DAGLA: variants seen among roughly 807,000 people sequenced by gnomAD.
DAGLA encodes diacylglycerol lipase alpha, also known as diacylglycerol lipase-alpha.
In DAGLA, 22 loss-of-function variants were observed where a neutral mutation model predicts 102.6. That is an observed-to-expected ratio of 0.21 (90% CI 0.15 to 0.31). The LOEUF (loss-of-function observed/expected upper bound fraction) is 0.31, where lower values mean the gene tolerates loss of function less well. DAGLA is among the 10% of genes least tolerant of loss of function. The pLI is 1.00. For missense variants in DAGLA, 927 were observed against 1,446.6 expected, an observed-to-expected ratio of 0.64 and a Z score of 5.83; for synonymous variants, 578 against 628.9, an observed-to-expected ratio of 0.92 and a Z score of 1.21.
rs762638349 is a variant in DAGLA at position 61,731,438 on chromosome 11, G to C, written c.971G>C (p.Cys324Ser). Reference protein sequence around the residue: ...ACGLCQLARSCSCCLCPARPR... With the variant: ...ACGLCQLARSSSCCLCPARPR... ...GGCCTCTGCCAACTGGCTCGGTCCT[G>C]CTCGTGAGTACCCCTGTCCCATCCC... The change falls in exon 9 of 20, where the codon TGC becomes TCC. Residue 324 changes from cysteine to serine, a missense_variant. Cys to Ser is a moderately radical substitution (Grantham distance 112). Transcript: ENST00000257215. The C allele has an allele frequency of 6.8e-6, 11 of 1,613,318 alleles. No homozygotes were observed. Among genetic ancestry groups the C allele is most frequent in the Non-Finnish European group, 9.3e-6 (11 of 1,179,982 alleles).
chr11:61,699,879 C>T (rs145594188), intron 1 of DAGLA, among the ~76,000 whole-genome samples: 89 of 152,370 alleles, frequency 5.8e-4, no homozygotes, highest in African/African-American at 2.1e-3. Context: ...GTGCTGCTCA[C>T]ACCTGGCTGA....
chr11:61,741,384 T>A, intron 19 of DAGLA, 35 bp downstream of exon 19: 1 of 1,588,822 alleles, frequency 6.3e-7, no homozygotes. Context: ...CACCCCAGGG[T>A]GAGTGTGGTT....
At chr11:61,731,469 G>T (rs201593701) in intron 9 of DAGLA, 28 bp downstream of exon 9, 1 of 1,610,592 alleles carries the variant, frequency 6.2e-7, no homozygotes, top group Admixed American at 1.7e-5. Flanking sequence ...ATCCCCCAGC[G>T]ATTGCACCTC....
rs1052538014 is a variant in DAGLA at position 61,741,902 on chromosome 11, A to G, written c.2171+553A>G. Among the ~76,000 whole-genome samples the G allele has an allele frequency of 3.9e-5, 6 of 152,280 alleles. No individual in the cohort carries two copies. The East Asian group carries it at 1.2e-3, about 29-fold the overall frequency. On this transcript the variant is annotated intron_variant, in intron 19 of 19. Coordinates refer to ENST00000257215, the MANE Select transcript of DAGLA (RefSeq NM_006133.3). ...GCTGGGATTATAGGGGTGAACCACC[A>G]TGGCCGGCCTGCACAGATTCACTCT... is the stretch of plus-strand genomic sequence containing the variant.
chr11:61,720,918 C>T (rs1393405380), intron 3 of DAGLA, 28 bp downstream of exon 3: 2 of 1,591,660 alleles, frequency 1.3e-6, no homozygotes, highest in Non-Finnish European at 1.7e-6. Context: ...TGGGGTGCTG[C>T]CCCAGACAAC....
At chr11:61,718,021 G>A (rs1591039572) in intron 1 of DAGLA, among the ~76,000 whole-genome samples, 1 of 152,180 alleles carries the variant, frequency 6.6e-6, no homozygotes, top group Non-Finnish European at 1.5e-5. Context: ...GTGTGATCTC[G>A]AGGAGTGTTA....
intron 1 of DAGLA, among the ~76,000 whole-genome samples, chr11:61,699,849 T>C (rs2065095215): frequency 6.6e-6 from 1 of 152,236 alleles, no homozygotes; most frequent in African/African-American, 2.4e-5. Context: ...GTGTTTGCTT[T>C]TCCCAGCCCT....
In DAGLA at chr11:61,744,289, G is replaced by A; in HGVS notation, c.2929G>A (p.Ala977Thr). The change falls in exon 20 of 20, where the codon GCC becomes ACC. Residue 977 changes from alanine to threonine, a missense_variant. Around this residue, in one of 4 missense-constraint regions of DAGLA, gnomAD observed 434 missense variants for 503.3 expected, o/e 0.86. Transcript: ENST00000257215. ...GGTGCCCAAGCCCCCACGGCTCTTTGCCGGCTCAGCCGACCCCTCCTCGGG... is the reference window on the plus strand; with the variant it reads ...GGTGCCCAAGCCCCCACGGCTCTTTACCGGCTCAGCCGACCCCTCCTCGGG... Reference protein sequence around the residue: ...NLVPKPPRLFAGSADPSSGIS... With the variant: ...NLVPKPPRLFTGSADPSSGIS... 1 of 1,612,720 alleles carries A rather than the reference G, an allele frequency of 6.2e-7. No individual in the cohort carries two copies. The highest frequency in any genetic ancestry group is 8.5e-7 in the Non-Finnish European group (1 of 1,179,870).
chr11:61,697,670 T>A (rs921529902), intron 1 of DAGLA, among the ~76,000 whole-genome samples: 5 of 152,138 alleles, frequency 3.3e-5, no homozygotes, highest in African/African-American at 1.2e-4. Context: ...TCTCCTGTTT[T>A]TTTTTATTTT....
chr11:61,736,716 GAGTCCTGCC>G (rs1285129514), intron 13 of DAGLA, among the ~76,000 whole-genome samples: 2 of 152,322 alleles, frequency 1.3e-5, no homozygotes, highest in African/African-American at 4.8e-5. Flanking sequence ...GGGGGGAACT[GAGTCCTGCC>G]CACTGGCCAC....
Position 61,686,130 on chromosome 11 carries a change from C to T in DAGLA, c.-45+5626C>T, listed in dbSNP as rs189729123. The stretch of plus-strand genomic sequence containing the variant: ...GGCTTGAACCAGGGCAGTGGCCACT[C>T]TGCAGGGGAAAGGGGAGAGACAAAG... On this transcript the variant is annotated intron_variant, in intron 1 of 19. Coordinates refer to ENST00000257215, the MANE Select transcript of DAGLA (RefSeq NM_006133.3). The surrounding 1 kb of genome is among the most constrained non-coding windows in gnomAD (Gnocchi z 5.2). Among the ~76,000 whole-genome samples the T allele has an allele frequency of 1.9e-4, 29 of 152,012 alleles. 1 individual carries two copies. In the East Asian group the frequency reaches 5.2e-3, roughly 27 times the overall value.
intron 1 of DAGLA, among the ~76,000 whole-genome samples, chr11:61,710,394 G>C (rs2065184960): frequency 6.6e-6 from 1 of 152,078 alleles, no homozygotes; most frequent in Admixed American, 6.5e-5. Flanking sequence ...GTTTGAGCTG[G>C]GAAGGGGCCT....
chr11:61,702,878 TC>T (rs2065119929), intron 1 of DAGLA, among the ~76,000 whole-genome samples: 1 of 152,228 alleles, frequency 6.6e-6, no homozygotes, highest in African/African-American at 2.4e-5. Context: ...CACAGCCCCT[TC>T]CTGCCACAGT....
At chr11:61,717,517 G>A (rs962107275) in intron 1 of DAGLA, among the ~76,000 whole-genome samples, 5 of 152,214 alleles carry the variant, frequency 3.3e-5, no homozygotes, top group Admixed American at 6.5e-5. Context: ...GACCTCTCAT[G>A]TGATTCTCAC....
At chr11:61,739,357 A>G (rs1042402204) in intron 16 of DAGLA, 108 bp from the exon 17 acceptor site, 1 of 1,127,842 alleles carries the variant, frequency 8.9e-7, no homozygotes, top group Non-Finnish European at 1.3e-6. Context: ...TTGCCATCTT[A>G]CTGCCCACCT....
chr11:61,691,893 G>A (rs533126543), intron 1 of DAGLA, among the ~76,000 whole-genome samples: 16 of 152,222 alleles, frequency 1.1e-4, no homozygotes, highest in Non-Finnish European at 2.1e-4. Flanking sequence ...TGGCCTCTGA[G>A]GAGTGTTAGG....
In DAGLA at chr11:61,689,096, C is replaced by T. The variant is rs115336962; in HGVS notation, c.-45+8592C>T. Among the ~76,000 whole-genome samples the T allele has an allele frequency of 4.6e-3, 695 of 152,374 alleles. 9 individuals are homozygous for T. The highest frequency in any genetic ancestry group is 0.014 in the African/African-American group (601 of 41,586). On this transcript the variant is annotated intron_variant, in intron 1 of 19. Transcript: ENST00000257215. ...TCACTTCCCAAGTTTCCGCCTTCTGCGGGCCGGGATTACATCAGGCTCCCC... is the reference window on the plus strand; with the variant it reads ...TCACTTCCCAAGTTTCCGCCTTCTGTGGGCCGGGATTACATCAGGCTCCCC...
At chr11:61,735,689 T>C in intron 11 of DAGLA, 45 bp downstream of exon 11, 1 of 1,612,664 alleles carries the variant, frequency 6.2e-7, no homozygotes, top group Non-Finnish European at 8.5e-7. Context: ...CCTGCCTCCC[T>C]CTTCCTGTCC....
chr11:61,740,208 G>A (rs1277270819), intron 17 of DAGLA, among the ~76,000 whole-genome samples: 1 of 152,230 alleles, frequency 6.6e-6, no homozygotes, highest in African/African-American at 2.4e-5. Context: ...AGCAGGTGGA[G>A]CAGGTGTGGC....
Sources: gnomAD v4.1 joint callset for allele counts (sites outside exome capture counted in the v4.1 genomes callset) on GRCh38, gnomAD v4.1.1 for gene constraint, gnomAD v4.1.1 regional missense constraint, Gnocchi (gnomAD v3.1) non-coding constraint, MANE v1.5 for transcripts, NCBI Gene and HGNC (gene_info 2026-07-23, HGNC 2026-07-21) for gene names.